OR4N5: variants seen among roughly 807,000 people sequenced by gnomAD.
OR4N5 encodes the protein olfactory receptor family 4 subfamily N member 5.
For synonymous variants in OR4N5, 155 were observed against 140.6 expected, an observed-to-expected ratio of 1.10 and a Z score of -0.72; for missense variants, 428 against 370.0, an observed-to-expected ratio of 1.16 and a Z score of -1.29.
At position 20,144,493 on chromosome 14, in the gene OR4N5, C is replaced by A. The variant is rs780063334; in HGVS notation, c.758C>A (p.Pro253His). The change falls in exon 3 of 3, where the codon CCT becomes CAT. Residue 253 changes from proline to histidine, a missense_variant. Physicochemically the swap from Pro to His is moderately conservative, Grantham distance 77. Transcript: ENST00000641086. ...ATCATTATATTTCTCATGTTTGGAC[C>A]TGCTATTTTCATCTACACTTGCCCC... is the stretch of plus-strand genomic sequence containing the variant. ...HIIIIFLMFGPAIFIYTCPFQ... is the reference protein window; with the variant it reads ...HIIIIFLMFGHAIFIYTCPFQ... 6 of 1,613,918 alleles carry A rather than the reference C, an allele frequency of 3.7e-6. No individual in the cohort carries two copies. The highest frequency in any genetic ancestry group is 5.1e-6 in the Non-Finnish European group (6 of 1,179,960).
rs539341129 is a variant in OR4N5 at position 20,140,975 on chromosome 14, A to G, written c.-248A>G. 1.3e-5 allele frequency: 2 copies of G among 152,264 alleles called. No homozygotes were observed. Among genetic ancestry groups the G allele is most frequent in the African/African-American group, 4.8e-5 (2 of 41,574 alleles). The allele number at this position is 152,264 out of a possible 1,614,324, so 9.4% of individuals were successfully genotyped here. A position where few individuals can be genotyped will look rare whatever the true frequency, so the allele number is the denominator to read the frequency against. ...TGTGACAAATACAATTTGAGAATCAACAGAACAAAAGGTACATAAATGAGG... is the reference window on the plus strand; with the variant it reads ...TGTGACAAATACAATTTGAGAATCAGCAGAACAAAAGGTACATAAATGAGG... On this transcript the variant is annotated 5_prime_UTR_variant, in exon 2 of 3. Coordinates refer to ENST00000641086, the MANE Select transcript of OR4N5 (RefSeq NM_001004724.2).
At position 20,144,900 on chromosome 14, in the gene OR4N5, T is replaced by G. The variant is rs113027738; in HGVS notation, c.*238T>G. The G allele has an allele frequency of 0.01, 4,007 of 397,248 alleles. 83 individuals are homozygous for G. The highest frequency in any genetic ancestry group is 0.049 in the African/African-American group (2,373 of 48,250). 24.6% of individuals were successfully genotyped at this position (397,248 alleles called of 1,614,324 possible). A position where few individuals can be genotyped will look rare whatever the true frequency, so the allele number is the denominator to read the frequency against. ...GATTTATTCAAGGGGATAAATACAG[T>G]TTATTAAATTTGAAAAACAACTATA... On this transcript the variant is annotated 3_prime_UTR_variant, in exon 3 of 3. Transcript: ENST00000641086.
At position 20,144,507 on chromosome 14, in the gene OR4N5, T is replaced by C. The variant is rs1878694983; in HGVS notation, c.772T>C (p.Tyr258His). 1 of 1,613,992 alleles carries C rather than the reference T, an allele frequency of 6.2e-7. No homozygotes were observed. The highest frequency in any genetic ancestry group is 1.1e-5 in the South Asian group (1 of 91,084). ...FLMFGPAIFIYTCPFQAFPAD... is the reference protein window; with the variant it reads ...FLMFGPAIFIHTCPFQAFPAD... ...CATGTTTGGACCTGCTATTTTCATCTACACTTGCCCCTTCCAGGCTTTCCC... is the reference window on the plus strand; with the variant it reads ...CATGTTTGGACCTGCTATTTTCATCCACACTTGCCCCTTCCAGGCTTTCCC... Residue 258 changes from tyrosine to histidine, a missense_variant, in exon 3 of 3, where the codon TAC becomes CAC. By Grantham distance (83) the Tyr-to-His change is moderately conservative (BLOSUM62 2). Transcript: ENST00000641086.
At chr14:20,140,575 T>C (rs1290175306) in intron 1 of OR4N5, among the ~76,000 whole-genome samples, 3 of 152,188 alleles carry the variant, frequency 2.0e-5, no homozygotes, top group Non-Finnish European at 4.4e-5. Flanking sequence ...TGCACAGTGT[T>C]GCCTGCAGAT....
chr14:20,144,308 T>C lies in OR4N5; in HGVS notation c.573T>C (p.Asn191=), dbSNP rs750236275. 148 of 1,613,870 alleles carry C rather than the reference T, an allele frequency of 9.2e-5. No homozygotes were observed. Among genetic ancestry groups the C allele is most frequent in the Non-Finnish European group, 1.2e-4 (147 of 1,179,960 alleles). ...AGGTCATCAAGCTGGCCTGCACCAA[T>C]ACCTTTGTGGTGGAGCTTCTGATGG... is the stretch of plus-strand genomic sequence containing the variant. The part of the protein sequence containing the change: ...VPQVIKLACT[N]TFVVELLMVS... Residue 191 remains asparagine, a synonymous_variant, in exon 3 of 3, where the codon AAT becomes AAC. Transcript: ENST00000641086.
chr14:20,140,764 G>A (rs1208821284), intron 1 of OR4N5, 79 bp from the exon 2 acceptor site: 4 of 152,068 alleles, frequency 2.6e-5, no homozygotes, highest in African/African-American at 9.7e-5. Context: ...AAATAATAAG[G>A]AAGGTTAGAG....
chr14:20,144,306 A>G lies in OR4N5; in HGVS notation c.571A>G (p.Asn191Asp), dbSNP rs10131326. 5.2e-3 allele frequency: 8,380 copies of G among 1,613,952 alleles called. 177 individuals are homozygous for G. The highest frequency in any genetic ancestry group is 0.049 in the African/African-American group (3,666 of 74,996). Residue 191 changes from asparagine (N) to aspartate (D), a missense_variant, in exon 3 of 3, where the codon AAT (asparagine) becomes GAT (aspartate). Physicochemically the swap from Asn to Asp is conservative, Grantham distance 23. Coordinates refer to ENST00000641086, the MANE Select transcript of OR4N5 (RefSeq NM_001004724.2). ...VPQVIKLACT[N>D]TFVVELLMVS... is the part of the protein sequence containing the mutation. ...ACAGGTCATCAAGCTGGCCTGCACC[A>G]ATACCTTTGTGGTGGAGCTTCTGAT...
chr14:20,142,449 T>C (rs779459258), intron 2 of OR4N5, among the ~76,000 whole-genome samples: 4 of 152,170 alleles, frequency 2.6e-5, no homozygotes, highest in Non-Finnish European at 4.4e-5. Context: ...TATAATAATA[T>C]GCAGAGAAGT....
At position 20,144,011 on chromosome 14, in the gene OR4N5, C is replaced by A; in HGVS notation, c.276C>A (p.Ile92=). The change falls in exon 3 of 3, where the codon ATC becomes ATA. Residue 92 remains isoleucine (I), a synonymous_variant. Transcript: ENST00000641086. ...LVDFLSEKKV[I]SYRSCITQLF... is the part of the protein sequence containing the mutation. ...ACTTCCTCTCTGAGAAGAAGGTAAT[C>A]TCCTATAGAAGCTGCATCACTCAGC... 1 of 1,614,100 alleles carries A rather than the reference C, an allele frequency of 6.2e-7. No homozygotes were observed. The highest frequency in any genetic ancestry group is 8.5e-7 in the Non-Finnish European group (1 of 1,179,986).
At position 20,143,783 on chromosome 14, in the gene OR4N5, T is replaced by A. The variant is rs1878664097; in HGVS notation, c.48T>A (p.Gly16=). The A allele has an allele frequency of 6.2e-7, 1 of 1,613,592 alleles. No individual in the cohort carries two copies. Among genetic ancestry groups the A allele is most frequent in the Admixed American group, 1.7e-5 (1 of 59,966 alleles). The change falls in exon 3 of 3, where the codon GGT becomes GGA. Residue 16 remains glycine (G), a synonymous_variant. Coordinates refer to ENST00000641086, the MANE Select transcript of OR4N5 (RefSeq NM_001004724.2). The stretch of plus-strand genomic sequence containing the variant: ...TGGTGACAGAATTCATTCTTCTTGG[T>A]CTGACCCAGTCTCAAGATGCTCAAC... The part of the protein sequence containing the change: ...LTVVTEFILL[G]LTQSQDAQLL...
At position 20,144,189 on chromosome 14, in the gene OR4N5, G is replaced by T. The variant is rs1878682511; in HGVS notation, c.454G>T (p.Gly152Cys). 1 of 1,613,980 alleles carries T rather than the reference G, an allele frequency of 6.2e-7. No homozygotes were observed. The highest frequency in any genetic ancestry group is 1.3e-5 in the African/African-American group (1 of 74,900). ...ATTATCGTTGGTTCTGTGGCTTGGG[G>T]GCTTTATCCATTCCATTGTACAAGT... is the stretch of plus-strand genomic sequence containing the variant. Reference protein sequence around the residue: ...YALSLVLWLGGFIHSIVQVAL... With the variant: ...YALSLVLWLGCFIHSIVQVAL... Residue 152 changes from glycine (G) to cysteine (C), a missense_variant, in exon 3 of 3, where the codon GGC becomes TGC. By Grantham distance (159) the Gly-to-Cys change is radical. Transcript: ENST00000641086.
In OR4N5 at chr14:20,143,834, T is replaced by C. The variant is rs747600715; in HGVS notation, c.99T>C (p.Ile33=). The C allele has an allele frequency of 7.4e-6, 12 of 1,613,902 alleles. No homozygotes were observed. Among genetic ancestry groups the C allele is most frequent in the South Asian group, 3.3e-5 (3 of 91,076 alleles). The change falls in exon 3 of 3, where the codon ATT becomes ATC. Residue 33 remains isoleucine (I), a synonymous_variant. Coordinates refer to ENST00000641086, the MANE Select transcript of OR4N5 (RefSeq NM_001004724.2). ...TTCTGGTCTTTGTGCTAGTCTTAAT[T>C]TTCTACCTTATCATCCTCCCTGGAA... ...AQLLVFVLVL[I]FYLIILPGNF...
chr14:20,143,947 C>A lies in OR4N5; in HGVS notation c.212C>A (p.Ala71Glu), dbSNP rs1439888484. Reference protein sequence around the residue: ...FFLGNLALLDASYSFIVVPRM... With the variant: ...FFLGNLALLDESYSFIVVPRM... The stretch of plus-strand genomic sequence containing the variant: ...CTGGGCAACTTGGCCTTACTGGATG[C>A]ATCCTACTCCTTCATTGTGGTTCCC... Residue 71 changes from alanine (A) to glutamate (E), a missense_variant, in exon 3 of 3, where the codon GCA becomes GAA. Transcript: ENST00000641086. 3 of 1,613,930 alleles carry A rather than the reference C, an allele frequency of 1.9e-6. No homozygotes were observed. The highest frequency in any genetic ancestry group is 2.5e-6 in the Non-Finnish European group (3 of 1,179,958).
chr14:20,145,043 A>T lies in OR4N5; in HGVS notation c.*381A>T. 6.0e-6 allele frequency: 1 copy of T among 167,192 alleles called. No individual in the cohort carries two copies. The highest frequency in any genetic ancestry group is 1.3e-5 in the Non-Finnish European group (1 of 77,726). 10.4% of individuals were successfully genotyped at this position (167,192 alleles called of 1,614,324 possible). ...TTAAGTGAGGCCTCAAGTGGTGTTT[A>T]GCTGAAACCAATATGATTCGAAAGA... On this transcript the variant is annotated 3_prime_UTR_variant, in exon 3 of 3. Coordinates refer to ENST00000641086, the MANE Select transcript of OR4N5 (RefSeq NM_001004724.2).
At position 20,145,429 on chromosome 14, in the gene OR4N5, G is replaced by C. The variant is rs760549944; in HGVS notation, c.*767G>C. The C allele has an allele frequency of 6.6e-6, 1 of 152,062 alleles. No homozygotes were observed. Among genetic ancestry groups the C allele is most frequent in the Non-Finnish European group, 1.5e-5 (1 of 67,986 alleles). The allele number at this position is 152,062 out of a possible 1,614,324, so 9.4% of individuals were successfully genotyped here. A position where few individuals can be genotyped will look rare whatever the true frequency, so the allele number is the denominator to read the frequency against. On this transcript the variant is annotated 3_prime_UTR_variant, in exon 3 of 3. Transcript: ENST00000641086. ...TAAAATATCATTAAGTGGAAAGTGC[G>C]TGCTGCTAAGTATTTTTTATTTATG...
Position 20,143,777 on chromosome 14 carries a change from T to G in OR4N5, c.42T>G (p.Leu14=). The G allele has an allele frequency of 6.2e-7, 1 of 1,613,498 alleles. No homozygotes were observed. The highest frequency in any genetic ancestry group is 8.5e-7 in the Non-Finnish European group (1 of 1,179,734). The change falls in exon 3 of 3, where the codon CTT becomes CTG. Residue 14 remains leucine, a synonymous_variant. Coordinates refer to ENST00000641086, the MANE Select transcript of OR4N5 (RefSeq NM_001004724.2). Reference sequence around the variant, plus strand: ...TCACAGTGGTGACAGAATTCATTCTTCTTGGTCTGACCCAGTCTCAAGATG... The same window carrying G: ...TCACAGTGGTGACAGAATTCATTCTGCTTGGTCTGACCCAGTCTCAAGATG... ...QNLTVVTEFI[L]LGLTQSQDAQ... is the part of the protein sequence containing the mutation.
intron 1 of OR4N5, among the ~76,000 whole-genome samples, chr14:20,140,144 A>G (rs1878588440): frequency 6.6e-6 from 1 of 152,218 alleles, no homozygotes; most frequent in Admixed American, 6.6e-5. Flanking sequence ...TAAGCAATTT[A>G]TTATTTCAGA....
Position 20,143,640 on chromosome 14 carries a change from A to T in OR4N5, c.-11-85A>T, listed in dbSNP as rs1878660636. ...AGCTACGGAACATTGGTTGGGACAAATAATGTTCTTATCTGGAGAGGAGAT... is the reference window on the plus strand; with the variant it reads ...AGCTACGGAACATTGGTTGGGACAATTAATGTTCTTATCTGGAGAGGAGAT... On this transcript the variant is annotated intron_variant, in intron 2 of 2. Coordinates refer to ENST00000641086, the MANE Select transcript of OR4N5 (RefSeq NM_001004724.2). 4 of 921,354 alleles carry T rather than the reference A, an allele frequency of 4.3e-6. No individual in the cohort carries two copies. The South Asian group carries it at 6.6e-5, about 15-fold the overall frequency. 57.1% of individuals were successfully genotyped at this position (921,354 alleles called of 1,614,324 possible). A position where few individuals can be genotyped will look rare whatever the true frequency, so the allele number is the denominator to read the frequency against.
chr14:20,144,819 A>C lies in OR4N5; in HGVS notation c.*157A>C. Reference sequence around the variant, plus strand: ...ACTATTCCAGGCATATGAATGAGACAGGTAAGATTCCAGGTCTCCTAGATT... The same window carrying C: ...ACTATTCCAGGCATATGAATGAGACCGGTAAGATTCCAGGTCTCCTAGATT... On this transcript the variant is annotated 3_prime_UTR_variant, in exon 3 of 3. Transcript: ENST00000641086. The C allele has an allele frequency of 5.0e-6, 3 of 598,218 alleles. No individual in the cohort carries two copies. The highest frequency in any genetic ancestry group is 5.9e-6 in the Non-Finnish European group (2 of 340,054). 37.1% of individuals were successfully genotyped at this position (598,218 alleles called of 1,614,324 possible).
Sources: gnomAD v4.1 joint callset for allele counts (sites outside exome capture counted in the v4.1 genomes callset) on GRCh38, gnomAD v4.1.1 for gene constraint, MANE v1.5 for transcripts, NCBI Gene and HGNC (gene_info 2026-07-23, HGNC 2026-07-21) for gene names.